The following PROM1 variants were observed in gnomAD, a reference collection of about 807,000 sequenced individuals.
PROM1 encodes prominin 1.
PROM1 carries 105 observed loss-of-function variants against 116.9 expected under a neutral mutation model. The ratio of observed to expected loss-of-function variants is 0.90; its 90% CI spans 0.77 to 1.06. PROM1 has a LOEUF of 1.06. PROM1 is among the 50% of genes least tolerant of loss of function. The pLI is 0.00. For missense variants in PROM1, 1,122 were observed against 1,045.2 expected, an observed-to-expected ratio of 1.07 and a Z score of -1.01; for synonymous variants, 393 against 387.0, an observed-to-expected ratio of 1.02 and a Z score of -0.18.
At chr4:16,049,986 G>T (rs1737470016) in intron 2 of PROM1, among the ~76,000 whole-genome samples, 2 of 151,986 alleles carry the variant, frequency 1.3e-5, no homozygotes, top group African/African-American at 2.4e-5. Context: ...GTTTGGGCAG[G>T]GCGCGGTGGC....
chr4:15,995,340 C>T (rs371005596), intron 15 of PROM1, among the ~76,000 whole-genome samples: 27 of 89,930 alleles, frequency 3.0e-4, no homozygotes, highest in African/African-American at 8.5e-4. Context: ...ACGAAGAAGA[C>T]GAAGAAGAAG....
intron 20 of PROM1, among the ~76,000 whole-genome samples, chr4:15,987,441 A>G (rs536176916): frequency 1.2e-4 from 19 of 152,324 alleles, no homozygotes; most frequent in African/African-American, 4.3e-4. Flanking sequence ...CAAAACATAG[A>G]TTTCACCTAT....
rs141172270 is a variant in PROM1 at position 16,047,915 on chromosome 4, G to A, written c.221-8914C>T. Among the ~76,000 whole-genome samples the A allele has an allele frequency of 8.0e-4, 122 of 152,206 alleles. 1 individual carries two copies. The highest frequency in any genetic ancestry group is 2.7e-3 in the African/African-American group (112 of 41,534). ...CTCTGAGGACAAGGATCTTGAATGCGGATCCTTAACCATCCCCCTTAAAAA... is the reference window on the plus strand; with the variant it reads ...CTCTGAGGACAAGGATCTTGAATGCAGATCCTTAACCATCCCCCTTAAAAA... On this transcript the variant is annotated intron_variant, in intron 2 of 27. Transcript: ENST00000447510.
intron 7 of PROM1, among the ~76,000 whole-genome samples, chr4:16,023,752 C>G (rs1421907283): frequency 2.0e-5 from 3 of 152,202 alleles, no homozygotes; most frequent in African/African-American, 7.2e-5. Context: ...TTACGGGATG[C>G]TTAGAGACAT....
At chr4:16,026,860 G>A (rs959463270) in intron 5 of PROM1, among the ~76,000 whole-genome samples, 4 of 152,108 alleles carry the variant, frequency 2.6e-5, no homozygotes, top group Non-Finnish European at 5.9e-5. Context: ...CTAGACTAGG[G>A]GCACAAGATT....
chr4:16,019,639 G>A (rs1226719174), intron 8 of PROM1, among the ~76,000 whole-genome samples: 2 of 152,144 alleles, frequency 1.3e-5, no homozygotes, highest in Admixed American at 1.3e-4. Flanking sequence ...TTTTTCTACA[G>A]TGGCTTAAAG....
At chr4:16,032,814 A>G (rs1215394774) in intron 5 of PROM1, among the ~76,000 whole-genome samples, 2 of 152,222 alleles carry the variant, frequency 1.3e-5, no homozygotes, top group Non-Finnish European at 2.9e-5. Flanking sequence ...CAGCACATAA[A>G]AGAAAAATGA....
At chr4:16,078,280 C>T (rs1196093447) in intron 1 of PROM1, 1 of 152,322 alleles carries the variant, frequency 6.6e-6, no homozygotes, top group African/African-American at 2.4e-5. Flanking sequence ...TGCTGAGCAG[C>T]TTGTTTCACT....
At chr4:16,015,976 T>C (rs1728281034) in intron 10 of PROM1, among the ~76,000 whole-genome samples, 190 bp downstream of exon 10, 2 of 152,270 alleles carry the variant, frequency 1.3e-5, no homozygotes, top group South Asian at 2.1e-4. Context: ...TCACACATCA[T>C]AGATGCTTAA....
At chr4:16,073,997 C>T (rs887879472) in intron 2 of PROM1, among the ~76,000 whole-genome samples, 6 of 152,096 alleles carry the variant, frequency 3.9e-5, no homozygotes, top group African/African-American at 4.8e-5. Flanking sequence ...GAATGAGACA[C>T]GGGAAGCTTT....
intron 10 of PROM1, among the ~76,000 whole-genome samples, chr4:16,015,411 T>TGG (rs1158680069): frequency 3.6e-5 from 5 of 137,952 alleles, no homozygotes; most frequent in African/African-American, 1.4e-4. Context: ...AAGTAGCGGC[T>TGG]GGGTGTGGTG....
At chr4:16,020,400 A>G (rs1426079101) in intron 8 of PROM1, among the ~76,000 whole-genome samples, 1 of 152,196 alleles carries the variant, frequency 6.6e-6, no homozygotes, top group African/African-American at 2.4e-5. Flanking sequence ...ATCATCCAGT[A>G]TTGTCGGTGA....
intron 23 of PROM1, among the ~76,000 whole-genome samples, chr4:15,981,162 C>T (rs562743111): frequency 3.3e-5 from 5 of 150,796 alleles, no homozygotes; most frequent in African/African-American, 7.3e-5. Flanking sequence ...GGGGTTTCAC[C>T]GGGTTAGCCA....
chr4:15,991,741 T>C (rs1721044568), intron 17 of PROM1, among the ~76,000 whole-genome samples: 1 of 151,484 alleles, frequency 6.6e-6, no homozygotes, highest in Admixed American at 6.6e-5. Flanking sequence ...GAGACTATCC[T>C]GGCAAACATG....
intron 13 of PROM1, among the ~76,000 whole-genome samples, chr4:16,004,860 C>CCTCTCTCTCTCCCTCT (rs1169808681): frequency 8.4e-6 from 1 of 118,804 alleles, no homozygotes; most frequent in East Asian, 2.3e-4. Context: ...TTCCTTCCTT[C>CCTCTCTCTCTCCCTCT]CTCTCTCTCT....
intron 2 of PROM1, among the ~76,000 whole-genome samples, chr4:16,062,275 A>T (rs2149516590): frequency 6.6e-6 from 1 of 152,334 alleles, no homozygotes; most frequent in Non-Finnish European, 1.5e-5. Flanking sequence ...AACTAATTTC[A>T]TCTGCGACAA....
At chr4:16,019,017 G>A (rs1164570854) in intron 8 of PROM1, among the ~76,000 whole-genome samples, 2 of 152,206 alleles carry the variant, frequency 1.3e-5, no homozygotes, top group Non-Finnish European at 2.9e-5. Context: ...GGCAGGTCTA[G>A]GCATGGATCT....
intron 10 of PROM1, among the ~76,000 whole-genome samples, chr4:16,014,864 G>A (rs905482481): frequency 1.6e-4 from 25 of 152,200 alleles, no homozygotes; most frequent in Admixed American, 6.5e-5. Context: ...AGCTACTGGG[G>A]AAATCAGGGA....
chr4:16,025,123 A>G (rs919593994), intron 6 of PROM1, 69 bp downstream of exon 6: 192 of 1,518,670 alleles, frequency 1.3e-4, no homozygotes, highest in Middle Eastern at 3.5e-4. Context: ...TGAGATTCCA[A>G]ATATACACAG....
Sources: allele counts gnomAD v4.1 joint callset (sites outside exome capture counted in the v4.1 genomes callset), GRCh38; gene constraint gnomAD v4.1.1; transcripts MANE v1.5; gene names NCBI Gene and HGNC (gene_info 2026-07-23, HGNC 2026-07-21).